DLG2: variants seen among roughly 807,000 people sequenced by gnomAD.
DLG2 encodes disks large homolog 2.
In DLG2, 45 loss-of-function variants were observed where a neutral mutation model predicts 132.5. That is an observed-to-expected ratio of 0.34 (90% CI 0.27 to 0.44). The LOEUF is 0.44. DLG2 is among the 20% of genes least tolerant of loss of function. The probability of loss-of-function intolerance (pLI) is 1.00; values close to 1 mark genes in which losing one functional copy is unlikely to be tolerated. For synonymous variants in DLG2, 424 were observed against 419.6 expected, an observed-to-expected ratio of 1.01 and a Z score of -0.13; for missense variants, 1,045 against 1,196.9, an observed-to-expected ratio of 0.87 and a Z score of 1.87.
intron 7 of DLG2, among the ~76,000 whole-genome samples, chr11:84,533,561 T>A (rs548509613): frequency 2.0e-5 from 3 of 152,342 alleles, no homozygotes; most frequent in Admixed American, 6.5e-5. Flanking sequence ...CATACCAATA[T>A]GTTTGAAATG....
intron 21 of DLG2, among the ~76,000 whole-genome samples, chr11:83,488,597 C>G (rs971505158): frequency 1.3e-5 from 2 of 151,890 alleles, no homozygotes; most frequent in African/African-American, 2.4e-5. Context: ...ACTTTTTCTC[C>G]TCATCTTCCT....
intron 2 of DLG2, among the ~76,000 whole-genome samples, chr11:85,602,083 G>C (rs553672177): frequency 2.0e-5 from 3 of 152,198 alleles, no homozygotes; most frequent in Non-Finnish European, 4.4e-5. Flanking sequence ...TGTCAAAACT[G>C]AACTCCAGAT....
chr11:83,592,034 G>A (rs2097196939), intron 19 of DLG2, among the ~76,000 whole-genome samples: 2 of 147,660 alleles, frequency 1.4e-5, no homozygotes, highest in Admixed American at 1.4e-4. Context: ...TCATGGGTAG[G>A]AAGAATCAAT....
At chr11:84,741,788 C>T (rs1483865975) in intron 6 of DLG2, among the ~76,000 whole-genome samples, 1 of 151,876 alleles carries the variant, frequency 6.6e-6, no homozygotes, top group Non-Finnish European at 1.5e-5. Context: ...TAAAGGAACA[C>T]AATAATCCTT....
chr11:83,733,202 C>A (rs570361854), intron 18 of DLG2, among the ~76,000 whole-genome samples: 1 of 132,844 alleles, frequency 7.5e-6, no homozygotes, highest in South Asian at 2.4e-4. Flanking sequence ...GATCATGCCA[C>A]TGCACTCCAG....
chr11:83,629,432 G>A (rs1174631579), intron 19 of DLG2, among the ~76,000 whole-genome samples: 3 of 152,040 alleles, frequency 2.0e-5, no homozygotes. Context: ...ATTCTTTCCT[G>A]TGACCTTTTT....
chr11:83,988,045 A>G (rs1215577011), intron 11 of DLG2, among the ~76,000 whole-genome samples: 2 of 152,166 alleles, frequency 1.3e-5, no homozygotes, highest in Non-Finnish European at 2.9e-5. Flanking sequence ...GACCTTTGTC[A>G]GATGAATAGA....
chr11:85,473,366 T>G (rs1372513992), intron 3 of DLG2, among the ~76,000 whole-genome samples: 2 of 152,240 alleles, frequency 1.3e-5, no homozygotes, highest in Non-Finnish European at 2.9e-5. Flanking sequence ...TCTGGACTTT[T>G]GCCCAGTTAA....
chr11:83,579,728 T>C (rs1457105953), intron 19 of DLG2, among the ~76,000 whole-genome samples: 1 of 152,066 alleles, frequency 6.6e-6, no homozygotes, highest in Non-Finnish European at 1.5e-5. Flanking sequence ...CCCAGCACTT[T>C]GGGAGGCTGA....
At chr11:85,022,311 G>C (rs2060148424) in intron 6 of DLG2, among the ~76,000 whole-genome samples, 1 of 151,894 alleles carries the variant, frequency 6.6e-6, no homozygotes, top group Non-Finnish European at 1.5e-5. Flanking sequence ...GTAAGAAATA[G>C]AACACTTGGT....
chr11:84,925,427 A>G (rs189155222), intron 6 of DLG2, among the ~76,000 whole-genome samples: 12 of 152,238 alleles, frequency 7.9e-5, no homozygotes, highest in African/African-American at 2.9e-4. Flanking sequence ...ACACCTGAGT[A>G]TACCTGTCTA....
rs1019400426 is a variant in DLG2 at position 84,677,169 on chromosome 11, G to T, written c.358-142438C>A. On this transcript the variant is annotated intron_variant, in intron 6 of 27. Coordinates refer to ENST00000376104, the MANE Select transcript of DLG2 (RefSeq NM_001142699.3). ...ATGGAAATCAACAATCTTGGTTACG[G>T]CATTCATTAAAGTAGATTGTATGAA... Among the ~76,000 whole-genome samples the T allele has an allele frequency of 2.6e-5, 4 of 152,188 alleles. 1 individual carries two copies. The Middle Eastern group carries it at 0.01, about 388-fold the overall frequency.
chr11:84,069,739 A>C (rs373407472), intron 10 of DLG2, among the ~76,000 whole-genome samples: 3 of 152,224 alleles, frequency 2.0e-5, no homozygotes, highest in East Asian at 1.9e-4. Context: ...CAATGGGGAC[A>C]GAAATTGCTA....
chr11:84,781,087 G>A (rs1204966614), intron 6 of DLG2, among the ~76,000 whole-genome samples: 1 of 146,176 alleles, frequency 6.8e-6, no homozygotes, highest in East Asian at 2.0e-4. Context: ...GTGTGTGTGT[G>A]TATACTTTCT....
chr11:85,411,459 T>C (rs1041865685), intron 3 of DLG2, among the ~76,000 whole-genome samples: 11 of 151,844 alleles, frequency 7.2e-5, no homozygotes, highest in African/African-American at 2.7e-4. Context: ...CTCAAGTTTA[T>C]CATGTTGAAT....
At chr11:83,892,684 A>G (rs1565527598) in intron 15 of DLG2, among the ~76,000 whole-genome samples, 1 of 142,058 alleles carries the variant, frequency 7.0e-6, no homozygotes, top group Admixed American at 7.0e-5. Context: ...ACATGTCTTA[A>G]GATTTGCAAA....
intron 6 of DLG2, among the ~76,000 whole-genome samples, chr11:84,775,613 T>C (rs560848484): frequency 1.1e-4 from 17 of 152,230 alleles, no homozygotes; most frequent in Non-Finnish European, 1.9e-4. Context: ...TCATGTTCTT[T>C]GCAGCAACAT....
intron 17 of DLG2, among the ~76,000 whole-genome samples, chr11:83,798,316 T>C (rs1428950596): frequency 6.6e-6 from 1 of 152,216 alleles, no homozygotes; most frequent in Non-Finnish European, 1.5e-5. Flanking sequence ...TGTTAGGCTG[T>C]TATCAGGATT....
chr11:83,761,589 G>A (rs1442618780), intron 18 of DLG2, among the ~76,000 whole-genome samples: 1 of 152,062 alleles, frequency 6.6e-6, no homozygotes, highest in African/African-American at 2.4e-5. Flanking sequence ...TGTCTGAATT[G>A]GATTCCTACT....
Sources: allele counts gnomAD v4.1 joint callset (sites outside exome capture counted in the v4.1 genomes callset), GRCh38; gene constraint gnomAD v4.1.1; transcripts MANE v1.5; gene names NCBI Gene and HGNC (gene_info 2026-07-23, HGNC 2026-07-21).